The following ZFAND1 variants were observed in gnomAD, a reference collection of about 807,000 sequenced individuals.
ZFAND1 encodes AN1-type zinc finger protein 1.
ZFAND1 carries 40 observed loss-of-function variants against 38.5 expected under a neutral mutation model. The ratio of observed to expected loss-of-function variants is 1.04; its 90% CI spans 0.81 to 1.35. The LOEUF is 1.35. ZFAND1 is among the 40% of genes most tolerant of loss of function. ZFAND1 has a pLI of 0.00. For synonymous variants in ZFAND1, 117 were observed against 103.6 expected (o/e 1.13, Z -0.78); for missense variants, 346 against 316.3 (o/e 1.09, Z -0.71).
chr8:81,718,968 C>T (rs184290345), intron 1 of ZFAND1, among the ~76,000 whole-genome samples: 3 of 151,832 alleles, frequency 2.0e-5, no homozygotes, highest in African/African-American at 7.2e-5. Context: ...TATAAAGATA[C>T]AAGCACATCC....
intron 6 of ZFAND1, among the ~76,000 whole-genome samples, chr8:81,707,577 T>C (rs760044112): frequency 1.7e-4 from 26 of 152,168 alleles, no homozygotes; most frequent in Non-Finnish European, 3.2e-4. Flanking sequence ...AAAATCTGAA[T>C]ATAATAATCA....
chr8:81,711,224 C>T (rs1808132462), intron 6 of ZFAND1, among the ~76,000 whole-genome samples: 1 of 152,008 alleles, frequency 6.6e-6, no homozygotes, highest in Non-Finnish European at 1.5e-5. Context: ...CCAGCCTGAC[C>T]AACGTGGTGA....
chr8:81,714,083 A>G, intron 5 of ZFAND1, 44 bp from the exon 6 acceptor site: 1 of 1,523,150 alleles, frequency 6.6e-7, no homozygotes, highest in South Asian at 1.3e-5. Flanking sequence ...TTCACATTAC[A>G]AATAGAATTT....
chr8:81,714,716 A>C, intron 5 of ZFAND1, 88 bp downstream of exon 5: 1 of 1,133,446 alleles, frequency 8.8e-7, no homozygotes, highest in South Asian at 1.3e-5. Flanking sequence ...GGGGTTATTA[A>C]TGATGCCTCC....
rs560743216 is a variant in ZFAND1, at chr8:81,701,908, T to A, written c.*787A>T. The A allele has an allele frequency of 6.6e-6, 1 of 152,372 alleles. No individual in the cohort carries two copies. Among genetic ancestry groups the A allele is most frequent in the South Asian group, 2.1e-4 (1 of 4,830 alleles). The allele number at this position is 152,372 out of a possible 1,614,324, so 9.4% of individuals were successfully genotyped here. ...CTCGTCTAAATATGTTGGTAAAATGTAGTCATCATTTGGCATGTGTTTTGC... is the reference window on the plus strand; with the variant it reads ...CTCGTCTAAATATGTTGGTAAAATGAAGTCATCATTTGGCATGTGTTTTGC... On this transcript the variant is annotated 3_prime_UTR_variant, in exon 8 of 8. Coordinates refer to ENST00000220669, the MANE Select transcript of ZFAND1 (RefSeq NM_024699.3).
At chr8:81,713,825 T>A in intron 6 of ZFAND1, 93 bp downstream of exon 6, 1 of 1,243,004 alleles carries the variant, frequency 8.0e-7, no homozygotes, top group Middle Eastern at 1.9e-4. Context: ...ATACCAGGTT[T>A]AGGTTAGTTG....
chr8:81,708,589 A>C (rs1417138553), intron 6 of ZFAND1, among the ~76,000 whole-genome samples: 2 of 152,224 alleles, frequency 1.3e-5, no homozygotes, highest in Non-Finnish European at 2.9e-5. Context: ...CCTAAAAAAC[A>C]TATTAAAAGT....
chr8:81,706,374 A>C (rs1585920744), intron 6 of ZFAND1, among the ~76,000 whole-genome samples: 1 of 140,434 alleles, frequency 7.1e-6, no homozygotes, highest in Non-Finnish European at 1.5e-5. Flanking sequence ...GAGAAACAAA[A>C]AAAAAAAAAA....
At chr8:81,711,427 G>A (rs996214532) in intron 6 of ZFAND1, among the ~76,000 whole-genome samples, 2 of 151,846 alleles carry the variant, frequency 1.3e-5, no homozygotes, top group East Asian at 1.9e-4. Context: ...AAAACAAAAC[G>A]AAAATAAAAT....
intron 1 of ZFAND1, among the ~76,000 whole-genome samples, chr8:81,719,461 C>T (rs977551000): frequency 6.6e-6 from 1 of 151,962 alleles, no homozygotes. Context: ...GGGCCGAGAT[C>T]GCGCCACTGC....
chr8:81,718,696 AAT>A (rs1180327140), intron 1 of ZFAND1, among the ~76,000 whole-genome samples: 4 of 149,174 alleles, frequency 2.7e-5, no homozygotes, highest in Admixed American at 6.7e-5. Context: ...TCTGTGTACT[AAT>A]ATATATGTGT....
intron 1 of ZFAND1, 22 bp downstream of exon 1, chr8:81,721,205 G>C (rs1232680450): frequency 1.3e-6 from 2 of 1,546,628 alleles, no homozygotes; most frequent in African/African-American, 1.4e-5. Flanking sequence ...CCGGGGATGG[G>C]GGCTGGAAGC....
In ZFAND1 at chr8:81,715,071, G is replaced by A; in HGVS notation, c.182C>T (p.Ser61Phe). Reference sequence around the variant, plus strand: ...ACAGTCTTTGAAAGAGCATGGGTAAGATGTATGTTGATCTGTCTTCAGTCT... The same window carrying A: ...ACAGTCTTTGAAAGAGCATGGGTAAAATGTATGTTGATCTGTCTTCAGTCT... Reference protein sequence around the residue: ...NERLKTDQHTSYPCSFKDCAE... With the variant: ...NERLKTDQHTFYPCSFKDCAE... The change falls in exon 4 of 8, where the codon TCT (serine) becomes TTT (phenylalanine). Residue 61 changes from serine to phenylalanine, a missense_variant. By Grantham distance (155) the Ser-to-Phe change is radical. Coordinates refer to ENST00000220669, the MANE Select transcript of ZFAND1 (RefSeq NM_024699.3). 1 of 1,614,038 alleles carries A rather than the reference G, an allele frequency of 6.2e-7. No homozygotes were observed.
At chr8:81,707,116 G>A (rs1315469948) in intron 6 of ZFAND1, among the ~76,000 whole-genome samples, 1 of 152,192 alleles carries the variant, frequency 6.6e-6, no homozygotes, top group East Asian at 1.9e-4. Context: ...CAAAAGCCTA[G>A]ACTTGCTAGT....
chr8:81,702,625 T>C lies in ZFAND1; in HGVS notation c.*70A>G, dbSNP rs992091025. 4 of 1,211,634 alleles carry C rather than the reference T, an allele frequency of 3.3e-6. No homozygotes were observed. Among genetic ancestry groups the C allele is most frequent in the South Asian group, 2.5e-5 (1 of 40,212 alleles). The allele number at this position is 1,211,634 out of a possible 1,614,324, so 75.1% of individuals were successfully genotyped here. On this transcript the variant is annotated 3_prime_UTR_variant, in exon 8 of 8. Transcript: ENST00000220669. Reference sequence around the variant, plus strand: ...TTAAAAATTACAAAAATAGTATTTGTAGTAAAATAAATGGACTTAAACATG... The same window carrying C: ...TTAAAAATTACAAAAATAGTATTTGCAGTAAAATAAATGGACTTAAACATG...
rs759317764 is a variant in ZFAND1 at position 81,702,853 on chromosome 8, A to C, written c.649T>G (p.Cys217Gly). ...NKFTAKKLRL[C>G]HITSGEALPL... ...AAGGCTTCTCCTGAAGTAATGTGAC[A>C]CAGCCTTAATTTCTGTGAAGGGAGA... Residue 217 changes from cysteine (C) to glycine (G), a missense_variant, in exon 8 of 8, where the codon TGT (cysteine) becomes GGT (glycine). By Grantham distance (159) the Cys-to-Gly change is radical. Transcript: ENST00000220669. 3.1e-6 allele frequency: 5 copies of C among 1,591,020 alleles called. No homozygotes were observed. Among genetic ancestry groups the C allele is most frequent in the African/African-American group, 1.4e-5 (1 of 73,976 alleles).
At chr8:81,706,902 A>G (rs867355004) in intron 6 of ZFAND1, among the ~76,000 whole-genome samples, 3 of 152,180 alleles carry the variant, frequency 2.0e-5, no homozygotes, top group Admixed American at 2.0e-4. Context: ...ACCGTAAAAT[A>G]AGTAGCAATG....
intron 1 of ZFAND1, among the ~76,000 whole-genome samples, chr8:81,719,689 A>G (rs1051372897): frequency 1.3e-5 from 2 of 152,218 alleles, no homozygotes; most frequent in Non-Finnish European, 2.9e-5. Context: ...CAGAAGGTAG[A>G]TAAAATTTAG....
intron 1 of ZFAND1, 62 bp from the exon 2 acceptor site, chr8:81,718,286 CAAG>C (rs1261902906): frequency 7.3e-6 from 10 of 1,365,988 alleles, no homozygotes; most frequent in Non-Finnish European, 1.0e-5. Flanking sequence ...TTTTCTTAAG[CAAG>C]AAGACAACCT....
Sources: gnomAD v4.1 joint callset for allele counts (sites outside exome capture counted in the v4.1 genomes callset) on GRCh38, gnomAD v4.1.1 for gene constraint, MANE v1.5 for transcripts, NCBI Gene and HGNC (gene_info 2026-07-23, HGNC 2026-07-21) for gene names.